CCSER1: variants seen among roughly 807,000 people sequenced by gnomAD.
CCSER1 encodes the protein serine-rich coiled-coil domain-containing protein 1.
A neutral mutation model predicts 82.0 loss-of-function variants in CCSER1; 41 were observed. That is an observed-to-expected ratio of 0.50 (90% CI 0.39 to 0.65). CCSER1 has a LOEUF of 0.65. Ranked by LOEUF, CCSER1 falls within the 30% of genes least tolerant of loss-of-function variation. CCSER1 has a pLI of 0.00. For missense variants in CCSER1, 1,119 were observed against 1,064.2 expected (o/e 1.05, Z -0.72); for synonymous variants, 414 against 383.9 (o/e 1.08, Z -0.92).
chr4:90,826,612 T>C (rs891005270), intron 8 of CCSER1, among the ~76,000 whole-genome samples: 14 of 152,226 alleles, frequency 9.2e-5, no homozygotes, highest in African/African-American at 3.4e-4. Flanking sequence ...AGTTCATTCA[T>C]AATAAACTAA....
intron 1 of CCSER1, among the ~76,000 whole-genome samples, chr4:90,255,372 T>G (rs1283681307): frequency 1.3e-5 from 2 of 152,132 alleles, no homozygotes; most frequent in Non-Finnish European, 2.9e-5. Flanking sequence ...ATGATTGGAA[T>G]GATTAATGAT....
intron 1 of CCSER1, among the ~76,000 whole-genome samples, chr4:90,218,977 C>T (rs1223369558): frequency 1.3e-5 from 2 of 151,974 alleles, no homozygotes; most frequent in African/African-American, 4.8e-5. Context: ...GCTTTTTACG[C>T]CCTGTGAAAG....
chr4:91,163,340 T>C (rs1731650057), intron 10 of CCSER1, among the ~76,000 whole-genome samples: 1 of 152,210 alleles, frequency 6.6e-6, no homozygotes, highest in Admixed American at 6.5e-5. Context: ...TGAGGAGTGC[T>C]TTACTTCCAC....
At chr4:90,578,215 G>C (rs1277523573) in intron 5 of CCSER1, among the ~76,000 whole-genome samples, 1 of 151,996 alleles carries the variant, frequency 6.6e-6, no homozygotes, top group African/African-American at 2.4e-5. Flanking sequence ...TGATTTAATG[G>C]GTTAAAACAA....
chr4:91,567,219 A>G (rs1355268234), intron 10 of CCSER1, among the ~76,000 whole-genome samples: 1 of 152,164 alleles, frequency 6.6e-6, no homozygotes, highest in Non-Finnish European at 1.5e-5. Flanking sequence ...CTTGACTTCT[A>G]TTTTTATTGC....
intron 8 of CCSER1, among the ~76,000 whole-genome samples, chr4:90,875,566 T>A (rs1239750896): frequency 1.3e-5 from 2 of 152,196 alleles, no homozygotes; most frequent in African/African-American, 4.8e-5. Context: ...TACAATAAGA[T>A]ATGTGACATT....
intron 1 of CCSER1, among the ~76,000 whole-genome samples, chr4:90,211,805 T>C (rs1255481190): frequency 1.3e-5 from 2 of 152,208 alleles, no homozygotes. Context: ...AAGGAAGTCA[T>C]TGTGTTTTGT....
At chr4:90,621,557 TA>T (rs1249571399) in intron 5 of CCSER1, among the ~76,000 whole-genome samples, 1 of 152,124 alleles carries the variant, frequency 6.6e-6, no homozygotes, top group Non-Finnish European at 1.5e-5. Flanking sequence ...ACCTTGAACA[TA>T]TTTATAATGC....
At chr4:91,127,061 T>G (rs1727584268) in intron 10 of CCSER1, among the ~76,000 whole-genome samples, 1 of 152,042 alleles carries the variant, frequency 6.6e-6, no homozygotes, top group African/African-American at 2.4e-5. Flanking sequence ...AGTCCCTGTT[T>G]CTATCATCAT....
chr4:90,612,428 A>C (rs9307088), intron 5 of CCSER1, among the ~76,000 whole-genome samples: 42,927 of 152,070 alleles, frequency 0.28, 6,328 homozygotes, highest in East Asian at 0.36. Context: ...ACAAAGACAG[A>C]AAATGAGTAA....
chr4:91,401,446 C>A (rs527618174), intron 10 of CCSER1, among the ~76,000 whole-genome samples: 8 of 150,926 alleles, frequency 5.3e-5, no homozygotes, highest in African/African-American at 1.9e-4. Context: ...ATGTGCACAA[C>A]GTGCAGGTTT....
intron 10 of CCSER1, among the ~76,000 whole-genome samples, chr4:91,107,639 C>CTTTTT (rs55901052): frequency 7.3e-6 from 1 of 136,322 alleles, no homozygotes; most frequent in Non-Finnish European, 1.6e-5. Context: ...TTCTTTTTCT[C>CTTTTT]TTTTTTTTTT....
rs530849009 is a variant in CCSER1 at position 91,362,854 on chromosome 4, A to G, written c.2218-235718A>G. Among the ~76,000 whole-genome samples the G allele has an allele frequency of 3.9e-5, 6 of 151,924 alleles. No homozygotes were observed. In the East Asian group the frequency reaches 7.7e-4, roughly 20 times the overall value. The stretch of plus-strand genomic sequence containing the variant: ...AAAAAGCAGAATTACTTGCTTTGCC[A>G]TGTTCTCCCTCTGCTCTACCTCTTA... On this transcript the variant is annotated intron_variant, in intron 10 of 10. Transcript: ENST00000509176.
In CCSER1 at chr4:90,257,839, C is replaced by T. The variant is rs189431726; in HGVS notation, c.-41-50405C>T. ...AGGAGTGAATTCCCCCTGACTCAGCCTTTTATTCTATTCAGGCCATCAAGG... is the reference window on the plus strand; with the variant it reads ...AGGAGTGAATTCCCCCTGACTCAGCTTTTTATTCTATTCAGGCCATCAAGG... On this transcript the variant is annotated intron_variant, in intron 1 of 10. Transcript: ENST00000509176. Among the ~76,000 whole-genome samples the T allele has an allele frequency of 7.2e-5, 11 of 152,214 alleles. No individual in the cohort carries two copies. The East Asian group carries it at 2.1e-3, about 29-fold the overall frequency.
At chr4:90,933,278 C>G (rs1730476401) in intron 9 of CCSER1, among the ~76,000 whole-genome samples, 1 of 151,206 alleles carries the variant, frequency 6.6e-6, no homozygotes, top group South Asian at 2.1e-4. Context: ...ATCTCCACCT[C>G]CCGGGTTCAC....
intron 7 of CCSER1, among the ~76,000 whole-genome samples, chr4:90,796,427 A>G (rs1465456924): frequency 6.6e-6 from 1 of 151,014 alleles, no homozygotes; most frequent in Admixed American, 6.6e-5. Context: ...TTAAAAAAAA[A>G]AAAAAAAACA....
intron 1 of CCSER1, among the ~76,000 whole-genome samples, chr4:90,187,018 A>G (rs1458057457): frequency 6.6e-6 from 1 of 151,978 alleles, no homozygotes. Context: ...CTGCTAATAG[A>G]TTAATGCATC....
intron 4 of CCSER1, among the ~76,000 whole-genome samples, chr4:90,429,257 G>A (rs1048461936): frequency 6.6e-6 from 1 of 151,806 alleles, no homozygotes; most frequent in African/African-American, 2.4e-5. Context: ...ATGAAAAAAA[G>A]ATGTAGCCAC....
rs987417336 is a variant in CCSER1, at chr4:90,574,752, T to C, written c.1725-53273T>C. Reference sequence around the variant, plus strand: ...ATAATTTAAATAAAATAGAATATCATAATGACATTTTGGTGTTTTTTTTGT... The same window carrying C: ...ATAATTTAAATAAAATAGAATATCACAATGACATTTTGGTGTTTTTTTTGT... On this transcript the variant is annotated intron_variant, in intron 5 of 10. Coordinates refer to ENST00000509176, the MANE Select transcript of CCSER1 (RefSeq NM_001145065.2). Among the ~76,000 whole-genome samples the C allele has an allele frequency of 7.0e-4, 106 of 151,900 alleles. 1 individual carries two copies. The highest frequency in any genetic ancestry group is 1.4e-3 in the Non-Finnish European group (96 of 67,972).
Sources: gnomAD v4.1 joint callset for allele counts (sites outside exome capture counted in the v4.1 genomes callset) on GRCh38, gnomAD v4.1.1 for gene constraint, MANE v1.5 for transcripts, NCBI Gene and HGNC (gene_info 2026-07-23, HGNC 2026-07-21) for gene names.